The following IL20RA variants were observed in gnomAD, a reference collection of about 807,000 sequenced individuals.
IL20RA encodes interleukin 20 receptor subunit alpha.
IL20RA carries 29 observed loss-of-function variants against 36.5 expected under a neutral mutation model. The observed-to-expected ratio is 0.79, with a 90% confidence interval of 0.59 to 1.08. The LOEUF (loss-of-function observed/expected upper bound fraction) is 1.08, where lower values mean the gene tolerates loss of function less well. IL20RA is among the 50% of genes least tolerant of loss of function. The probability of loss-of-function intolerance (pLI) is 0.00; values close to 1 mark genes in which losing one functional copy is unlikely to be tolerated. For synonymous variants in IL20RA, 279 were observed against 267.1 expected, an observed-to-expected ratio of 1.04 and a Z score of -0.43; for missense variants, 652 against 668.4, an observed-to-expected ratio of 0.98 and a Z score of 0.27.
At chr6:137,044,554 A>C in intron 1 of IL20RA, 87 bp downstream of exon 1, 1 of 1,172,332 alleles carries the variant, frequency 8.5e-7, no homozygotes, top group Non-Finnish European at 1.1e-6. Context: ...GGCGGGCAGG[A>C]GGGGAGAGCT....
Position 137,044,895 on chromosome 6 carries a change from G to T in IL20RA, c.-167C>A. 1 of 564,166 alleles carries T rather than the reference G, an allele frequency of 1.8e-6. No homozygotes were observed. The highest frequency in any genetic ancestry group is 2.6e-6 in the Non-Finnish European group (1 of 391,360). 34.9% of individuals were successfully genotyped at this position (564,166 alleles called of 1,614,324 possible). On this transcript the variant is annotated 5_prime_UTR_variant, in exon 1 of 7. Transcript: ENST00000316649. ...CCTCCGCCACAGCCGCGTCCCCCAG[G>T]CTTCCCCAGAAACCAAGGGCGAGCG...
Position 137,044,841 on chromosome 6 carries a change from A to T in IL20RA, c.-113T>A. 1 of 1,017,516 alleles carries T rather than the reference A, an allele frequency of 9.8e-7. No individual in the cohort carries two copies. Among genetic ancestry groups the T allele is most frequent in the East Asian group, 3.7e-5 (1 of 26,752 alleles). 63.0% of individuals were successfully genotyped at this position (1,017,516 alleles called of 1,614,324 possible). ...CTCCGCGCCTGGGGCTCTGCGTGCC[A>T]CGCTCCAGGCGACCTGAGTCCCAGG... On this transcript the variant is annotated 5_prime_UTR_variant, in exon 1 of 7. Transcript: ENST00000316649.
rs188673774 is a variant in IL20RA, at chr6:137,040,265, T to C, written c.88+4376A>G. Among the ~76,000 whole-genome samples, 18 of 151,882 alleles carry C rather than the reference T, an allele frequency of 1.2e-4. No homozygotes were observed. In the East Asian group the frequency reaches 1.8e-3, roughly 15 times the overall value. ...CATTACAAACTCACGGTCTTAAATA[T>C]ATATACACACCCACAGATACATACA... On this transcript the variant is annotated intron_variant, in intron 1 of 6. Transcript: ENST00000316649.
In IL20RA at chr6:137,044,907, A is replaced by C; in HGVS notation, c.-179T>G. 2.0e-6 allele frequency: 1 copy of C among 493,880 alleles called. No individual in the cohort carries two copies. The allele number at this position is 493,880 out of a possible 1,614,324, so 30.6% of individuals were successfully genotyped here. A position where few individuals can be genotyped will look rare whatever the true frequency, so the allele number is the denominator to read the frequency against. The stretch of plus-strand genomic sequence containing the variant: ...CCGCGTCCCCCAGGCTTCCCCAGAA[A>C]CCAAGGGCGAGCGACTCGCGGAGCC... On this transcript the variant is annotated 5_prime_UTR_variant, in exon 1 of 7. Transcript: ENST00000316649.
chr6:137,041,815 A>AATATATAT (rs71009524), intron 1 of IL20RA, among the ~76,000 whole-genome samples: 1 of 149,112 alleles, frequency 6.7e-6, no homozygotes, highest in African/African-American at 2.5e-5. Flanking sequence ...TTTTTTTTTA[A>AATATATAT]ATATATATAT....
intron 2 of IL20RA, among the ~76,000 whole-genome samples, chr6:137,011,690 C>T (rs1177074258): frequency 6.6e-6 from 1 of 152,094 alleles, no homozygotes; most frequent in Non-Finnish European, 1.5e-5. Flanking sequence ...ATAATGTGGA[C>T]AGTATATTTT....
chr6:137,004,159 C>CGTTTTTTTTTTTTTTTTTTTTTTT lies in IL20RA; in HGVS notation c.864+461_864+462insAAAAAAAAAAAAAAAAAAAAAAAC, dbSNP rs531501235. 2.3e-5 allele frequency among the ~76,000 whole-genome samples: 2 copies of CGTTTTTTTTTTTTTTTTTTTTTTT among 88,016 alleles called. 1 individual carries two copies. Among genetic ancestry groups the CGTTTTTTTTTTTTTTTTTTTTTTT allele is most frequent in the Non-Finnish European group, 4.1e-5 (2 of 49,124 alleles). 57.7% of individuals were successfully genotyped at this position (88,016 alleles called of 152,430 possible). A position where few individuals can be genotyped will look rare whatever the true frequency, so the allele number is the denominator to read the frequency against. ...TCTGTTAGTCAGCTAATCCAGAAAG[C>CGTTTTTTTTTTTTTTTTTTTTTTT]TTTTTTTTTTTTTTTTTTTTTTTTT... On this transcript the variant is annotated intron_variant, in intron 6 of 6. Coordinates refer to ENST00000316649, the MANE Select transcript of IL20RA (RefSeq NM_014432.4).
chr6:137,043,431 CA>C (rs1451093120), intron 1 of IL20RA, among the ~76,000 whole-genome samples: 1 of 152,148 alleles, frequency 6.6e-6, no homozygotes, highest in Non-Finnish European at 1.5e-5. Context: ...AAAATAAAAA[CA>C]AATTTCTGTC....
chr6:137,019,331 G>T (rs1775820611), intron 1 of IL20RA, among the ~76,000 whole-genome samples: 1 of 152,024 alleles, frequency 6.6e-6, no homozygotes. Flanking sequence ...GTTTTGCCAT[G>T]TTGGCCAGGC....
chr6:137,044,496 G>C, intron 1 of IL20RA, 145 bp downstream of exon 1: 2 of 901,782 alleles, frequency 2.2e-6, no homozygotes, highest in Non-Finnish European at 2.9e-6. Flanking sequence ...TGGAAGCTCC[G>C]GCCTCCGCGC....
intron 2 of IL20RA, 104 bp from the exon 3 acceptor site, chr6:137,011,556 C>A: frequency 1.3e-6 from 1 of 741,140 alleles, no homozygotes; most frequent in Non-Finnish European, 2.0e-6. Context: ...ACCTTCTCTT[C>A]AGAAAAACAA....
intron 2 of IL20RA, among the ~76,000 whole-genome samples, chr6:137,013,614 C>A (rs181354134): frequency 6.6e-6 from 1 of 152,274 alleles, no homozygotes; most frequent in Non-Finnish European, 1.5e-5. Context: ...TCTTCCCTGA[C>A]GCCAAAACTT....
intron 3 of IL20RA, 37 bp from the exon 4 acceptor site, chr6:137,009,529 A>ATGAAAAAT (rs904002680): frequency 7.5e-7 from 1 of 1,336,834 alleles, no homozygotes; most frequent in African/African-American, 1.5e-5. Context: ...TCATGTTCAG[A>ATGAAAAAT]TGAAAAATTA....
intron 1 of IL20RA, among the ~76,000 whole-genome samples, chr6:137,033,968 T>C (rs772439189): frequency 2.6e-5 from 4 of 152,218 alleles, no homozygotes; most frequent in Non-Finnish European, 4.4e-5. Context: ...TTTGATGTTG[T>C]TCATGAAAGT....
rs897181945 is a variant in IL20RA at position 137,000,775 on chromosome 6, T to C, written c.*783A>G. ...GTTTACAGACTATGTAAATATCTTT[T>C]TGAAAACACACTTCCAGAAATAAAT... On this transcript the variant is annotated 3_prime_UTR_variant, in exon 7 of 7. Coordinates refer to ENST00000316649, the MANE Select transcript of IL20RA (RefSeq NM_014432.4). The C allele has an allele frequency of 2.0e-5, 3 of 152,196 alleles. No homozygotes were observed. The highest frequency in any genetic ancestry group is 6.5e-5 in the Admixed American group (1 of 15,284). The allele number at this position is 152,196 out of a possible 1,614,324, so 9.4% of individuals were successfully genotyped here. A position where few individuals can be genotyped will look rare whatever the true frequency, so the allele number is the denominator to read the frequency against.
At position 137,007,289 on chromosome 6, in the gene IL20RA, T is replaced by C. The variant is rs149801456; in HGVS notation, c.724+1310A>G. On this transcript the variant is annotated intron_variant, in intron 5 of 6. Transcript: ENST00000316649. The stretch of plus-strand genomic sequence containing the variant: ...CTCCTTCATTGTAAAAGAAAAGCTA[T>C]GATAAAGACAGAGAGTCAAAGGCAA... 4.5e-3 allele frequency among the ~76,000 whole-genome samples: 683 copies of C among 152,348 alleles called. 2 individuals carry two copies. The highest frequency in any genetic ancestry group is 8.4e-3 in the Admixed American group (129 of 15,302).
intron 1 of IL20RA, 52 bp downstream of exon 1, chr6:137,044,589 G>T (rs1014995109): frequency 6.6e-6 from 8 of 1,216,496 alleles, no homozygotes; most frequent in African/African-American, 1.6e-5. Context: ...GCCTGGCGGG[G>T]CCCCGGCCTG....
At chr6:137,034,473 G>A (rs1052721538) in intron 1 of IL20RA, among the ~76,000 whole-genome samples, 3 of 152,050 alleles carry the variant, frequency 2.0e-5, no homozygotes, top group African/African-American at 7.2e-5. Flanking sequence ...TAGGTAAACC[G>A]TATGCCACGG....
chr6:137,037,433 C>T (rs372547902), intron 1 of IL20RA, among the ~76,000 whole-genome samples: 63 of 152,260 alleles, frequency 4.1e-4, no homozygotes, highest in African/African-American at 1.5e-3. Context: ...ACTTTCATTC[C>T]CTATGCTGTA....
Sources: gnomAD v4.1 joint callset for allele counts (sites outside exome capture counted in the v4.1 genomes callset) on GRCh38, gnomAD v4.1.1 for gene constraint, MANE v1.5 for transcripts, NCBI Gene and HGNC (gene_info 2026-07-23, HGNC 2026-07-21) for gene names.